The following LPP variants were observed in gnomAD, a reference collection of about 807,000 sequenced individuals.
LPP encodes LIM domain containing preferred translocation partner in lipoma, also known as lipoma-preferred partner.
LPP carries 38 observed loss-of-function variants against 60.4 expected under a neutral mutation model. That is an observed-to-expected ratio of 0.63 (90% CI 0.49 to 0.83). The LOEUF (loss-of-function observed/expected upper bound fraction) is 0.83. Among genes scored for constraint, LPP ranks in the 40% least tolerant of loss-of-function variants. The pLI is 0.00. For missense variants in LPP, 902 were observed against 783.6 expected (o/e 1.15, Z -1.80); for synonymous variants, 328 against 290.8 (o/e 1.13, Z -1.30).
intron 9 of LPP, among the ~76,000 whole-genome samples, chr3:188,819,866 C>G (rs907079886): frequency 1.3e-5 from 2 of 152,156 alleles, no homozygotes; most frequent in Non-Finnish European, 2.9e-5. Flanking sequence ...TTTGTTAGAA[C>G]TGCAGGAGTG....
At chr3:188,369,326 T>C (rs1314872973) in intron 3 of LPP, among the ~76,000 whole-genome samples, 1 of 152,044 alleles carries the variant, frequency 6.6e-6, no homozygotes, top group African/African-American at 2.4e-5. Context: ...ATTAAGAAGA[T>C]GCTAATGTAC....
At chr3:188,520,166 A>G (rs899607767) in intron 5 of LPP, among the ~76,000 whole-genome samples, 6 of 152,320 alleles carry the variant, frequency 3.9e-5, no homozygotes, top group African/African-American at 1.4e-4. Context: ...TCACATATGT[A>G]TTCAGATAAT....
intron 3 of LPP, among the ~76,000 whole-genome samples, chr3:188,358,334 A>G (rs1768216025): frequency 6.6e-6 from 1 of 152,238 alleles, no homozygotes; most frequent in African/African-American, 2.4e-5. Context: ...TTATAATTAT[A>G]ACTGCCTGTT....
chr3:188,377,821 T>C (rs1775625287), intron 3 of LPP, among the ~76,000 whole-genome samples: 3 of 152,170 alleles, frequency 2.0e-5, no homozygotes, highest in South Asian at 4.1e-4. Flanking sequence ...TCTGTTTTTT[T>C]CCCATCTTTG....
At chr3:188,680,017 TC>T (rs1247024293) in intron 7 of LPP, among the ~76,000 whole-genome samples, 1 of 152,150 alleles carries the variant, frequency 6.6e-6, no homozygotes, top group East Asian at 1.9e-4. Context: ...GTCATTAGAA[TC>T]ATTGGTGAAT....
intron 6 of LPP, among the ~76,000 whole-genome samples, chr3:188,529,832 C>CCGTA (rs1370906425): frequency 6.6e-6 from 1 of 152,126 alleles, no homozygotes; most frequent in Non-Finnish European, 1.5e-5. Context: ...AGAGATAAGC[C>CCGTA]CGTAAGTAAC....
chr3:188,316,650 A>G (rs13064337), intron 2 of LPP, among the ~76,000 whole-genome samples: 21,197 of 152,134 alleles, frequency 0.14, 1,768 homozygotes, highest in East Asian at 0.34. Context: ...AGCTGGGGGG[A>G]AGCCCAAACC....
intron 4 of LPP, among the ~76,000 whole-genome samples, chr3:188,477,515 G>A (rs954455488): frequency 6.6e-6 from 1 of 152,134 alleles, no homozygotes; most frequent in African/African-American, 2.4e-5. Flanking sequence ...TGAGAAGGCC[G>A]AGAAGTGATG....
At chr3:188,468,208 T>G (rs576450392) in intron 4 of LPP, among the ~76,000 whole-genome samples, 5 of 152,296 alleles carry the variant, frequency 3.3e-5, no homozygotes, top group African/African-American at 1.2e-4. Flanking sequence ...ATTTCCTGTC[T>G]GTTTAACCCT....
intron 2 of LPP, among the ~76,000 whole-genome samples, chr3:188,315,463 CTCTTAATTTCCATA>C (rs1754751060): frequency 6.6e-6 from 1 of 151,924 alleles, no homozygotes; most frequent in Non-Finnish European, 1.5e-5. Context: ...TTGAACTTGG[CTCTTAATTTCCATA>C]TTTTTATTTC....
At chr3:188,869,266 T>C (rs1480763304) in intron 10 of LPP, among the ~76,000 whole-genome samples, 2 of 152,072 alleles carry the variant, frequency 1.3e-5, no homozygotes, top group Non-Finnish European at 2.9e-5. Flanking sequence ...CTGCTTAGCC[T>C]GCCTTTTATT....
Position 188,886,625 on chromosome 3 carries a change from T to G in LPP, c.*12146T>G, listed in dbSNP as rs547248023. 6 of 212,652 alleles carry G rather than the reference T, an allele frequency of 2.8e-5. No individual in the cohort carries two copies. The South Asian group carries it at 1.1e-3, about 41-fold the overall frequency. 13.2% of individuals were successfully genotyped at this position (212,652 alleles called of 1,614,324 possible). ...ATAAATCATCTAATTTATCTTCACA[T>G]AATATAAAGAAAAAACTAATAAAAA... is the stretch of plus-strand genomic sequence containing the variant. On this transcript the variant is annotated 3_prime_UTR_variant, in exon 12 of 12. Coordinates refer to ENST00000617246, the MANE Select transcript of LPP (RefSeq NM_001375462.1).
intron 6 of LPP, among the ~76,000 whole-genome samples, chr3:188,547,074 A>G (rs548575002): frequency 2.0e-4 from 30 of 152,330 alleles, no homozygotes; most frequent in African/African-American, 5.1e-4. Flanking sequence ...AGGTGCTCCA[A>G]TATTCTCCTG....
chr3:188,557,070 G>T (rs529395076), intron 6 of LPP, among the ~76,000 whole-genome samples: 1 of 152,124 alleles, frequency 6.6e-6, no homozygotes, highest in South Asian at 2.1e-4. Context: ...CCCTACGGTA[G>T]ATAGCTTTGT....
At chr3:188,248,673 C>T (rs1468891917) in intron 2 of LPP, among the ~76,000 whole-genome samples, 2 of 151,486 alleles carry the variant, frequency 1.3e-5, no homozygotes, top group Admixed American at 1.3e-4. Flanking sequence ...AAGAAGGAGA[C>T]TTCAAGGCCT....
intron 5 of LPP, among the ~76,000 whole-genome samples, chr3:188,504,895 G>A (rs1459636698): frequency 1.3e-5 from 2 of 151,986 alleles, no homozygotes; most frequent in Admixed American, 1.3e-4. Flanking sequence ...TTCTTTATGT[G>A]TGTGATTAAA....
chr3:188,334,123 A>T (rs1312559884), intron 2 of LPP, among the ~76,000 whole-genome samples: 19 of 152,160 alleles, frequency 1.2e-4, no homozygotes, highest in Admixed American at 1.2e-3. Flanking sequence ...GTGACAAATA[A>T]CTTTCTGCTT....
chr3:188,405,890 TTTCTTTC>T (rs749216412), intron 3 of LPP, among the ~76,000 whole-genome samples: 7 of 150,192 alleles, frequency 4.7e-5, no homozygotes, highest in Non-Finnish European at 1.0e-4. Flanking sequence ...TCTTTCTTTC[TTTCTTTC>T]TCCTTTTCCT....
chr3:188,497,845 G>A (rs574725575), intron 5 of LPP, among the ~76,000 whole-genome samples: 1 of 152,260 alleles, frequency 6.6e-6, no homozygotes, highest in East Asian at 1.9e-4. Flanking sequence ...TGTCACTTTA[G>A]TAATTCTCTT....
Sources: allele counts gnomAD v4.1 joint callset (sites outside exome capture counted in the v4.1 genomes callset), GRCh38; gene constraint gnomAD v4.1.1; transcripts MANE v1.5; gene names NCBI Gene and HGNC (gene_info 2026-07-23, HGNC 2026-07-21).